MCTP1: variants seen among roughly 807,000 people sequenced by gnomAD.
MCTP1 encodes the protein multiple C2 and transmembrane domain containing 1.
A neutral mutation model predicts 120.6 loss-of-function variants in MCTP1; 69 were observed. The observed-to-expected ratio is 0.57, with a 90% CI of 0.47 to 0.70. The LOEUF (loss-of-function observed/expected upper bound fraction) is 0.70. Ranked by LOEUF, MCTP1 falls within the 30% of genes least tolerant of loss-of-function variation. The pLI, the probability that MCTP1 is intolerant of heterozygous loss-of-function variation, is 0.00. For missense variants in MCTP1, 1,203 were observed against 1,248.8 expected, an observed-to-expected ratio of 0.96 and a Z score of 0.55; for synonymous variants, 529 against 493.1, an observed-to-expected ratio of 1.07 and a Z score of -0.96.
chr5:95,017,444 G>C lies in MCTP1; in HGVS notation c.761C>G (p.Pro254Arg). Residue 254 changes from proline to arginine, a missense_variant, in exon 2 of 23, where the codon CCC (proline) becomes CGC (arginine). Pro to Arg is a moderately radical substitution (Grantham distance 103). This residue lies in a region of MCTP1 where 463 missense variants were observed against 377.8 expected (regional missense o/e 1.23). Transcript: ENST00000515393. ...CTGGTACATTCCGGGATCAGCCAAG[G>C]GGACTTCTGCATTACTGGTTCCAGC... Reference protein sequence around the residue: ...NTAGTSNAEVPLADPGMYQLD... With the variant: ...NTAGTSNAEVRLADPGMYQLD... 6.2e-7 allele frequency: 1 copy of C among 1,609,994 alleles called. No homozygotes were observed. Among genetic ancestry groups the C allele is most frequent in the South Asian group, 1.1e-5 (1 of 90,626 alleles).
chr5:95,080,746 CCT>C (rs1754738567), intron 1 of MCTP1, among the ~76,000 whole-genome samples: 1 of 152,128 alleles, frequency 6.6e-6, no homozygotes, highest in Non-Finnish European at 1.5e-5. Context: ...GAAAAATAAA[CCT>C]CTCATTCATT....
intron 1 of MCTP1, among the ~76,000 whole-genome samples, chr5:95,214,917 T>C (rs1752865186): frequency 6.6e-6 from 1 of 150,850 alleles, no homozygotes; most frequent in Admixed American, 6.6e-5. Flanking sequence ...CTAATGTAAA[T>C]GACGAGTTAA....
intron 1 of MCTP1, among the ~76,000 whole-genome samples, chr5:95,041,758 A>G (rs1842401829): frequency 6.6e-6 from 1 of 152,234 alleles, no homozygotes; most frequent in Non-Finnish European, 1.5e-5. Context: ...GAAATAATAT[A>G]TAGCTTTCTC....
At chr5:95,065,303 G>A (rs928940320) in intron 1 of MCTP1, among the ~76,000 whole-genome samples, 3 of 151,570 alleles carry the variant, frequency 2.0e-5, no homozygotes, top group Non-Finnish European at 4.4e-5. Flanking sequence ...CATGAAGATT[G>A]CAAGAAAAGA....
intron 19 of MCTP1, among the ~76,000 whole-genome samples, chr5:94,746,011 G>A (rs74748955): frequency 0.056 from 8,575 of 152,156 alleles, 391 homozygotes; most frequent in African/African-American, 0.12. Flanking sequence ...GGGGAAGGAT[G>A]GAGTCAGCAA....
At chr5:95,043,499 T>C (rs1044149802) in intron 1 of MCTP1, among the ~76,000 whole-genome samples, 1 of 152,148 alleles carries the variant, frequency 6.6e-6, no homozygotes, top group East Asian at 1.9e-4. Flanking sequence ...GCTTAGCCTT[T>C]TTTCCTTCTC....
Position 94,890,859 on chromosome 5 carries a change from G to A in MCTP1, c.1840-1887C>T, listed in dbSNP as rs150634973. Among the ~76,000 whole-genome samples, 36 of 152,202 alleles carry A rather than the reference G, an allele frequency of 2.4e-4. No homozygotes were observed. In the East Asian group the frequency reaches 5.8e-3, roughly 24 times the overall value. On this transcript the variant is annotated intron_variant, in intron 11 of 22. Coordinates refer to ENST00000515393, the MANE Select transcript of MCTP1 (RefSeq NM_024717.7). ...CTTCATAGCATTTTTCTTATGACAC[G>A]ATCAGCACTTCTACTCTGTAAATCA...
chr5:95,243,046 C>G (rs184553628), intron 1 of MCTP1, among the ~76,000 whole-genome samples: 1 of 152,102 alleles, frequency 6.6e-6, no homozygotes, highest in Admixed American at 6.6e-5. Context: ...AGGAGGGACA[C>G]AGAGACATGA....
chr5:95,036,529 C>T (rs1395047449), intron 1 of MCTP1, among the ~76,000 whole-genome samples: 2 of 152,088 alleles, frequency 1.3e-5, no homozygotes, highest in Admixed American at 6.6e-5. Flanking sequence ...CTATAGTGTT[C>T]CCCTTTTTCC....
intron 2 of MCTP1, among the ~76,000 whole-genome samples, chr5:95,007,223 ACTGGGTCCCTCCCG>A (rs1197775911): frequency 6.6e-6 from 1 of 152,120 alleles, no homozygotes; most frequent in African/African-American, 2.4e-5. Flanking sequence ...ATTACCTCCC[ACTGGGTCCCTCCCG>A]CGACACAGGA....
intron 4 of MCTP1, among the ~76,000 whole-genome samples, chr5:94,941,175 A>T (rs575586945): frequency 1.6e-4 from 24 of 152,048 alleles, no homozygotes; most frequent in Non-Finnish European, 3.2e-4. Context: ...GTCACTTGAT[A>T]TCCTTATGCA....
intron 1 of MCTP1, among the ~76,000 whole-genome samples, chr5:95,277,914 T>C (rs1056604846): frequency 2.0e-5 from 3 of 152,136 alleles, no homozygotes; most frequent in Non-Finnish European, 2.9e-5. Context: ...GACTTTTAAA[T>C]CTCATTATAT....
intron 1 of MCTP1, among the ~76,000 whole-genome samples, chr5:95,161,676 C>G (rs750490215): frequency 6.6e-6 from 1 of 152,058 alleles, no homozygotes; most frequent in Non-Finnish European, 1.5e-5. Flanking sequence ...GGAAACATCA[C>G]TTTGTACCCC....
intron 1 of MCTP1, among the ~76,000 whole-genome samples, chr5:95,222,188 C>T (rs1562252357): frequency 6.6e-6 from 1 of 152,206 alleles, no homozygotes; most frequent in Non-Finnish European, 1.5e-5. Flanking sequence ...ACGCAGCTTC[C>T]ACCTAGCAGT....
chr5:95,029,875 G>A (rs1252341830), intron 1 of MCTP1, among the ~76,000 whole-genome samples: 1 of 152,150 alleles, frequency 6.6e-6, no homozygotes, highest in Non-Finnish European at 1.5e-5. Context: ...CTGCCCTTGA[G>A]TTACTCCACC....
At chr5:95,238,787 A>G (rs1562267016) in intron 1 of MCTP1, among the ~76,000 whole-genome samples, 1 of 152,116 alleles carries the variant, frequency 6.6e-6, no homozygotes, top group Non-Finnish European at 1.5e-5. Context: ...CTGGATGACT[A>G]CAGACCCCTA....
At position 94,744,399 on chromosome 5, in the gene MCTP1, G is replaced by A. The variant is rs140625221; in HGVS notation, c.2611-29513C>T. On this transcript the variant is annotated intron_variant, in intron 19 of 22. Coordinates refer to ENST00000515393, the MANE Select transcript of MCTP1 (RefSeq NM_024717.7). ...GCAAGGAGCAAGAAGCATGGATAAC[G>A]GACTAATTAGATGGACAGGGGATTT... Among the ~76,000 whole-genome samples, 272 of 152,320 alleles carry A rather than the reference G, an allele frequency of 1.8e-3. 2 individuals are homozygous for A. The highest frequency in any genetic ancestry group is 5.9e-3 in the African/African-American group (246 of 41,562).
intron 3 of MCTP1, among the ~76,000 whole-genome samples, chr5:94,952,608 A>G (rs1216969844): frequency 1.3e-5 from 2 of 152,214 alleles, no homozygotes; most frequent in African/African-American, 4.8e-5. Context: ...GTACCTAGAG[A>G]TGTAAATTAA....
chr5:94,905,536 A>T (rs185281951), intron 10 of MCTP1, among the ~76,000 whole-genome samples: 3 of 152,148 alleles, frequency 2.0e-5, no homozygotes, highest in African/African-American at 7.2e-5. Context: ...AGAGATGATG[A>T]GCGGTCGAGA....
Sources: allele counts gnomAD v4.1 joint callset (sites outside exome capture counted in the v4.1 genomes callset), GRCh38; gene constraint gnomAD v4.1.1; regional missense constraint gnomAD v4.1.1; transcripts MANE v1.5; gene names NCBI Gene and HGNC (gene_info 2026-07-23, HGNC 2026-07-21).